Variants in LDLRAD3 observed in about 807,000 individuals in gnomAD.
LDLRAD3 encodes low density lipoprotein receptor class A domain containing 3.
In LDLRAD3, 20 loss-of-function variants were observed where a neutral mutation model predicts 29.4. The observed-to-expected ratio is 0.68, with a 90% CI of 0.48 to 0.99. LDLRAD3 has a LOEUF of 0.99. Among genes scored for constraint, LDLRAD3 ranks in the 50% least tolerant of loss-of-function variants. The pLI is 0.00. For synonymous variants in LDLRAD3, 157 were observed against 192.7 expected (o/e 0.81, Z 1.53); for missense variants, 420 against 454.3 (o/e 0.92, Z 0.69).
At chr11:36,167,592 A>C (rs777564437) in intron 4 of LDLRAD3, among the ~76,000 whole-genome samples, 18 of 152,172 alleles carry the variant, frequency 1.2e-4, no homozygotes, top group Non-Finnish European at 2.4e-4. Flanking sequence ...AATCATTACC[A>C]GATGCATCTA....
intron 2 of LDLRAD3, among the ~76,000 whole-genome samples, chr11:36,048,377 T>C (rs764281566): frequency 1.3e-5 from 2 of 152,102 alleles, no homozygotes; most frequent in African/African-American, 2.4e-5. Flanking sequence ...CGAGTTCCCA[T>C]TGACACCCCC....
intron 1 of LDLRAD3, among the ~76,000 whole-genome samples, chr11:35,948,554 C>T (rs1005107455): frequency 1.3e-5 from 2 of 152,012 alleles, no homozygotes; most frequent in African/African-American, 4.8e-5. Context: ...TAAGGAGTAC[C>T]TTGAAGATGT....
rs373265829 is a variant in LDLRAD3 at position 36,096,616 on chromosome 11, AC to A, written c.320-1710del. Among the ~76,000 whole-genome samples, 111 of 152,382 alleles carry A rather than the reference AC, an allele frequency of 7.3e-4. 2 individuals carry two copies. The East Asian group carries it at 0.016, about 22-fold the overall frequency. On this transcript the variant is annotated intron_variant, in intron 3 of 5. Transcript: ENST00000315571. ...TGCTACATGTCAGACTGGGCACTGT[AC>A]ATTTTCCCACGGATATCATTTGATG...
chr11:36,025,158 T>G (rs1481010961), intron 1 of LDLRAD3, among the ~76,000 whole-genome samples: 4 of 152,190 alleles, frequency 2.6e-5, no homozygotes, highest in African/African-American at 9.6e-5. Flanking sequence ...CGCATTCCTT[T>G]GTAGTTGGTG....
chr11:36,225,940 C>T (rs888270365), intron 4 of LDLRAD3, among the ~76,000 whole-genome samples: 1 of 152,094 alleles, frequency 6.6e-6, no homozygotes, highest in South Asian at 2.1e-4. Flanking sequence ...TGGTGGCACA[C>T]ACCTGTAGTC....
chr11:36,123,555 G>A (rs573489554), intron 4 of LDLRAD3, among the ~76,000 whole-genome samples: 4 of 152,384 alleles, frequency 2.6e-5, no homozygotes, highest in African/African-American at 9.6e-5. Context: ...CCCAAGATCA[G>A]TGGGGCAGAT....
chr11:36,211,578 G>C (rs1162533503), intron 4 of LDLRAD3, among the ~76,000 whole-genome samples: 4 of 152,160 alleles, frequency 2.6e-5, no homozygotes, highest in African/African-American at 7.2e-5. Context: ...GAATCAGCAG[G>C]ACCTGCCCCT....
chr11:36,116,079 A>T (rs917372768), intron 4 of LDLRAD3, among the ~76,000 whole-genome samples: 3 of 152,210 alleles, frequency 2.0e-5, no homozygotes, highest in Non-Finnish European at 4.4e-5. Context: ...GCCTGCCTCT[A>T]GGATTGCTGG....
At chr11:36,170,216 T>A (rs1326217573) in intron 4 of LDLRAD3, among the ~76,000 whole-genome samples, 1 of 151,528 alleles carries the variant, frequency 6.6e-6, no homozygotes, top group African/African-American at 2.4e-5. Flanking sequence ...TTTTTATGGC[T>A]GAACAATATT....
At chr11:36,021,557 T>G (rs1332434517) in intron 1 of LDLRAD3, among the ~76,000 whole-genome samples, 1 of 152,196 alleles carries the variant, frequency 6.6e-6, no homozygotes, top group Non-Finnish European at 1.5e-5. Context: ...CCCTGGTGAC[T>G]TTGTGAAGAC....
chr11:36,057,270 T>C (rs1852635354), intron 2 of LDLRAD3, among the ~76,000 whole-genome samples: 2 of 152,282 alleles, frequency 1.3e-5, no homozygotes, highest in Admixed American at 1.3e-4. Context: ...TTGGGAAACA[T>C]TGATTATTGG....
chr11:36,135,585 T>C (rs1304334429), intron 4 of LDLRAD3, among the ~76,000 whole-genome samples: 1 of 152,212 alleles, frequency 6.6e-6, no homozygotes, highest in Non-Finnish European at 1.5e-5. Flanking sequence ...TTCTTTGTTT[T>C]GGAACTACTA....
At chr11:36,075,427 G>A (rs1852981162) in intron 2 of LDLRAD3, among the ~76,000 whole-genome samples, 1 of 152,180 alleles carries the variant, frequency 6.6e-6, no homozygotes, top group African/African-American at 2.4e-5. Context: ...AGGGACTGTA[G>A]TGTTGGTGTA....
At chr11:36,098,216 G>A (rs1201214115) in intron 3 of LDLRAD3, 111 bp from the exon 4 acceptor site, 1 of 1,315,240 alleles carries the variant, frequency 7.6e-7, no homozygotes, top group Admixed American at 1.9e-5. Context: ...CAGCTTAGAA[G>A]ATAAGCTTAC....
chr11:36,090,048 G>A (rs938209773), intron 3 of LDLRAD3, among the ~76,000 whole-genome samples: 2 of 152,222 alleles, frequency 1.3e-5, no homozygotes, highest in East Asian at 1.9e-4. Context: ...TGAGGACATT[G>A]AGGCTTAGAG....
At chr11:36,117,968 C>A in intron 4 of LDLRAD3, among the ~76,000 whole-genome samples, 1 of 152,084 alleles carries the variant, frequency 6.6e-6, no homozygotes, top group Admixed American at 6.6e-5. Context: ...AGAAGAGTTG[C>A]CCTGGAGAAT....
chr11:36,051,887 C>T (rs1410644777), intron 2 of LDLRAD3, among the ~76,000 whole-genome samples: 2 of 152,204 alleles, frequency 1.3e-5, no homozygotes, highest in African/African-American at 4.8e-5. Flanking sequence ...CAGTGCCCAA[C>T]CAGTACTTTC....
At chr11:35,957,525 G>A (rs985594839) in intron 1 of LDLRAD3, among the ~76,000 whole-genome samples, 1 of 152,088 alleles carries the variant, frequency 6.6e-6, no homozygotes. Flanking sequence ...AGCTGGGTGC[G>A]GTGGCTCATG....
rs527479730 is a variant in LDLRAD3, at chr11:36,034,378, G to T, written c.47-1725G>T. Among the ~76,000 whole-genome samples the T allele has an allele frequency of 2.0e-5, 3 of 152,230 alleles. No individual in the cohort carries two copies. The East Asian group carries it at 5.8e-4, about 30-fold the overall frequency. ...TGCTTTGGCTGGAGTCGCAACTGTG[G>T]CAATGGAGAGTCGGGGACTGGCCAC... is the stretch of plus-strand genomic sequence containing the variant. On this transcript the variant is annotated intron_variant, in intron 1 of 5. Transcript: ENST00000315571.
Sources: gnomAD v4.1 joint callset for allele counts (sites outside exome capture counted in the v4.1 genomes callset) on GRCh38, gnomAD v4.1.1 for gene constraint, MANE v1.5 for transcripts, NCBI Gene and HGNC (gene_info 2026-07-23, HGNC 2026-07-21) for gene names.